ZBTB24: variants seen among roughly 807,000 people sequenced by gnomAD.
ZBTB24 encodes the protein zinc finger and BTB domain containing 24.
A neutral mutation model predicts 53.8 loss-of-function variants in ZBTB24; 32 were observed. The observed-to-expected ratio is 0.60, with a 90% confidence interval of 0.45 to 0.80. The LOEUF (loss-of-function observed/expected upper bound fraction) is 0.80, where lower values mean the gene tolerates loss of function less well. ZBTB24 is among the 30% of genes least tolerant of loss of function. ZBTB24 has a pLI of 0.00. For missense variants in ZBTB24, 722 were observed against 837.1 expected (o/e 0.86, Z 1.70); for synonymous variants, 297 against 306.7 (o/e 0.97, Z 0.33).
In ZBTB24 at chr6:109,476,787, G is replaced by A. The variant is rs1457352778; in HGVS notation, c.1096C>T (p.Leu366=). The change falls in exon 3 of 7, where the codon CTG becomes TTG. Residue 366 remains leucine, a synonymous_variant. Coordinates refer to ENST00000230122, the MANE Select transcript of ZBTB24 (RefSeq NM_014797.3). ...CCTGAGTGCAGGCTCATGTGCTCCA[G>A]CAGTGAGTGCTTGGTGGTCAGAGCC... The part of the protein sequence containing the change: ...SKALTTKHSL[L]EHMSLHSGQK... The A allele has an allele frequency of 6.2e-7, 1 of 1,613,696 alleles. No homozygotes were observed. The highest frequency in any genetic ancestry group is 8.5e-7 in the Non-Finnish European group (1 of 1,179,984).
At chr6:109,476,642 CT>C (rs1776283497) in intron 3 of ZBTB24, 120 bp downstream of exon 3, 2 of 1,384,410 alleles carry the variant, frequency 1.4e-6, no homozygotes, top group Non-Finnish European at 2.0e-6. Context: ...AAAATCCTGT[CT>C]TTCAATGACA....
At chr6:109,470,255 G>A (rs1345054628) in intron 5 of ZBTB24, among the ~76,000 whole-genome samples, 2 of 151,890 alleles carry the variant, frequency 1.3e-5, no homozygotes, top group Non-Finnish European at 2.9e-5. Flanking sequence ...GATGTCAACA[G>A]AAGTACTGAA....
intron 2 of ZBTB24, among the ~76,000 whole-genome samples, chr6:109,478,257 G>A (rs1446386887): frequency 6.6e-6 from 1 of 152,182 alleles, no homozygotes; most frequent in African/African-American, 2.4e-5. Context: ...TCTTTGGGAC[G>A]CAGACCTTGG....
Position 109,481,447 on chromosome 6 carries a change from T to C in ZBTB24, c.580A>G (p.Asn194Asp). 6.2e-7 allele frequency: 1 copy of C among 1,614,256 alleles called. No individual in the cohort carries two copies. The highest frequency in any genetic ancestry group is 1.1e-5 in the South Asian group (1 of 91,092). ...CCTTTAACCACAAAGTTTTGTCTAT[T>C]CTGAACTGAATTGTTCACTCTTAAC... Reference protein sequence around the residue: ...IQLRVNNSVQNRQNFVVKGDS... With the variant: ...IQLRVNNSVQDRQNFVVKGDS... The change falls in exon 2 of 7, where the codon AAT becomes GAT. Residue 194 changes from asparagine to aspartate, a missense_variant. Transcript: ENST00000230122.
At position 109,466,344 on chromosome 6, in the gene ZBTB24, C is replaced by T. The variant is rs771940793; in HGVS notation, c.1601G>A (p.Arg534Lys). The stretch of plus-strand genomic sequence containing the variant: ...ATATGGCTGTAGCTGAAGAATATTC[C>T]TGACCTCTTCTGTATTACTACTGCC... ...ISGSSNTEEV[R>K]NILQLQPYQL... The change falls in exon 7 of 7, where the codon AGG (arginine) becomes AAG (lysine). Residue 534 changes from arginine (R) to lysine (K), a missense_variant. Transcript: ENST00000230122. 9.3e-6 allele frequency: 15 copies of T among 1,614,206 alleles called. No homozygotes were observed. The South Asian group carries it at 1.5e-4, about 17-fold the overall frequency.
intron 1 of ZBTB24, among the ~76,000 whole-genome samples, chr6:109,482,403 T>C (rs896372860): frequency 2.0e-5 from 3 of 151,334 alleles, no homozygotes; most frequent in Admixed American, 2.0e-4. Context: ...GAGTTCGAGG[T>C]TGCCGTGAGC....
At position 109,466,434 on chromosome 6, in the gene ZBTB24, T is replaced by C. The variant is rs1776043466; in HGVS notation, c.1511A>G (p.Asn504Ser). 2 of 1,614,072 alleles carry C rather than the reference T, an allele frequency of 1.2e-6. No homozygotes were observed. Among genetic ancestry groups the C allele is most frequent in the African/African-American group, 2.7e-5 (2 of 74,926 alleles). Residue 504 changes from asparagine (N) to serine (S), a missense_variant, in exon 7 of 7, where the codon AAC (asparagine) becomes AGC (serine). Transcript: ENST00000230122. The part of the protein sequence containing the change: ...ECNLQFARLD[N>S]LKAHLKIHSK... ...ATGAATTTTCAAGTGAGCCTTCAAG[T>C]TGTCTAAGCGAGCAAACTGTAAGTT...
chr6:109,481,226 G>C lies in ZBTB24; in HGVS notation c.801C>G (p.Tyr267Ter), dbSNP rs779929744. 6.2e-7 allele frequency: 1 copy of C among 1,614,110 alleles called. No individual in the cohort carries two copies. Among genetic ancestry groups the C allele is most frequent in the Non-Finnish European group, 8.5e-7 (1 of 1,180,050 alleles). The change falls in exon 2 of 7, where the codon TAC (tyrosine) becomes TAG (stop). Residue 267 changes from tyrosine (Y) to a stop codon, truncating the protein, a stop_gained. Transcript: ENST00000230122. LOFTEE classifies it high-confidence loss of function. ...GGTCCTCTTGATCCCCAACAAGTTT[G>C]TAATCTTTAAGTTTGACGGATCTCC... ...RIWRSVKLKD[Y>*]KLVGDQEDHG...
intron 5 of ZBTB24, among the ~76,000 whole-genome samples, chr6:109,474,195 A>G (rs1264456416): frequency 1.3e-5 from 2 of 152,204 alleles, no homozygotes; most frequent in African/African-American, 4.8e-5. Flanking sequence ...TTTTTCTTAG[A>G]AAACTGAATA....
In ZBTB24 at chr6:109,476,920, A is replaced by C; in HGVS notation, c.963T>G (p.Pro321=). ...IHQRSHTGER[P]FKCNECGKGF... Reference sequence around the variant, plus strand: ...CTTTTCCACACTCATTACATTTGAAAGGTCGCTCCCCTGGAAGAAGAGCCC... The same window carrying C: ...CTTTTCCACACTCATTACATTTGAACGGTCGCTCCCCTGGAAGAAGAGCCC... The change falls in exon 3 of 7, where the codon CCT becomes CCG. Residue 321 remains proline (P), a synonymous_variant. Coordinates refer to ENST00000230122, the MANE Select transcript of ZBTB24 (RefSeq NM_014797.3). The C allele has an allele frequency of 1.9e-6, 3 of 1,614,064 alleles. No homozygotes were observed. Among genetic ancestry groups the C allele is most frequent in the Non-Finnish European group, 2.5e-6 (3 of 1,180,026 alleles).
At chr6:109,480,898 A>T in intron 2 of ZBTB24, 177 bp downstream of exon 2, 1 of 1,400,306 alleles carries the variant, frequency 7.1e-7, no homozygotes, top group Non-Finnish European at 9.4e-7. Flanking sequence ...CATACAATGT[A>T]TAATGAGGAT....
In ZBTB24 at chr6:109,475,450, G is replaced by A. The variant is rs149690823; in HGVS notation, c.1237C>T (p.Arg413Cys). The change falls in exon 5 of 7, where the codon CGC (arginine) becomes TGC (cysteine). Residue 413 changes from arginine to cysteine, a missense_variant. Physicochemically the swap from Arg to Cys is radical, Grantham distance 180. Transcript: ENST00000230122. The part of the protein sequence containing the change: ...HSLPECKDCH[R>C]KFMDVSQLKK... The stretch of plus-strand genomic sequence containing the variant: ...AGCTGAGACACATCCATGAATTTGC[G>A]ATGGCAGTCTTTGCATTCCGGTAAT... 3.3e-4 allele frequency: 531 copies of A among 1,614,154 alleles called. No individual in the cohort carries two copies. Among genetic ancestry groups the A allele is most frequent in the Non-Finnish European group, 4.0e-4 (476 of 1,180,032 alleles).
chr6:109,474,370 G>T (rs1271555642), intron 5 of ZBTB24, among the ~76,000 whole-genome samples: 3 of 152,128 alleles, frequency 2.0e-5, no homozygotes, highest in Non-Finnish European at 2.9e-5. Context: ...GGTTCTAGGG[G>T]AGAAAGTGGA....
In ZBTB24 at chr6:109,465,989, T is replaced by C. The variant is rs747489610; in HGVS notation, c.1956A>G (p.Gln652=). ...KETLEHLHAH[Q]EQTEELHLAT... is the part of the protein sequence containing the mutation. ...CTAAATGGAGCTCCTCTGTTTGCTC[T>C]TGATGGGCATGAAGATGTTCCAGTG... The change falls in exon 7 of 7, where the codon CAA becomes CAG. Residue 652 remains glutamine (Q), a synonymous_variant. Transcript: ENST00000230122. The C allele has an allele frequency of 2.2e-5, 35 of 1,614,082 alleles. No individual in the cohort carries two copies. In the Admixed American group the frequency reaches 2.5e-4, roughly 12 times the overall value.
chr6:109,475,214 T>C (rs1369749529), intron 5 of ZBTB24, among the ~76,000 whole-genome samples, 185 bp downstream of exon 5: 1 of 152,122 alleles, frequency 6.6e-6, no homozygotes, highest in East Asian at 1.9e-4. Flanking sequence ...GAGATGTGAT[T>C]TCCCCAAAGA....
intron 6 of ZBTB24, among the ~76,000 whole-genome samples, chr6:109,467,223 A>T (rs73520933): frequency 0.031 from 4,758 of 152,262 alleles, 123 homozygotes; most frequent in East Asian, 0.099. Flanking sequence ...TTCATTATTG[A>T]AAAGATAAAA....
chr6:109,467,802 T>C, intron 5 of ZBTB24, 68 bp from the exon 6 acceptor site: 1 of 1,537,248 alleles, frequency 6.5e-7, no homozygotes, highest in Non-Finnish European at 8.8e-7. Flanking sequence ...ACATTCAGAA[T>C]AAGACAAAAT....
At position 109,481,366 on chromosome 6, in the gene ZBTB24, G is replaced by C; in HGVS notation, c.661C>G (p.Pro221Ala). ...TCCTCTCTACTTGGCTCACAAGTAGGCTCCGATTCTTCCTTTTCTTTTGCT... is the reference window on the plus strand; with the variant it reads ...TCCTCTCTACTTGGCTCACAAGTAGCCTCCGATTCTTCCTTTTCTTTTGCT... ...IAAKEKEESEPTCEPSREEEM... is the reference protein window; with the variant it reads ...IAAKEKEESEATCEPSREEEM... The change falls in exon 2 of 7, where the codon CCT becomes GCT. Residue 221 changes from proline to alanine, a missense_variant. Physicochemically the swap from Pro to Ala is conservative, Grantham distance 27. Transcript: ENST00000230122. 1 of 1,614,114 alleles carries C rather than the reference G, an allele frequency of 6.2e-7. No individual in the cohort carries two copies. The highest frequency in any genetic ancestry group is 8.5e-7 in the Non-Finnish European group (1 of 1,180,026).
intron 2 of ZBTB24, among the ~76,000 whole-genome samples, chr6:109,479,160 C>A (rs537128630): frequency 4.3e-4 from 66 of 152,164 alleles, no homozygotes; most frequent in Non-Finnish European, 8.4e-4. Flanking sequence ...AGTTTCCAAA[C>A]CTTATGAATC....
Sources: allele counts gnomAD v4.1 joint callset (sites outside exome capture counted in the v4.1 genomes callset), GRCh38; gene constraint gnomAD v4.1.1; transcripts MANE v1.5; gene names NCBI Gene and HGNC (gene_info 2026-07-23, HGNC 2026-07-21).